SAP130: variants seen among roughly 807,000 people sequenced by gnomAD.
SAP130 encodes the protein histone deacetylase complex subunit SAP130.
SAP130 carries 16 observed loss-of-function variants against 103.2 expected under a neutral mutation model. That is an observed-to-expected ratio of 0.16 (90% CI 0.10 to 0.24). The LOEUF is 0.24. Ranked by LOEUF, SAP130 falls within the 10% of genes least tolerant of loss-of-function variation. The probability of loss-of-function intolerance (pLI) is 1.00; values close to 1 mark genes in which losing one functional copy is unlikely to be tolerated. For missense variants in SAP130, 990 were observed against 1,359.7 expected, an observed-to-expected ratio of 0.73 and a Z score of 4.28; for synonymous variants, 477 against 497.0, an observed-to-expected ratio of 0.96 and a Z score of 0.53.
intron 2 of SAP130, among the ~76,000 whole-genome samples, chr2:128,024,433 G>C (rs1295649327): frequency 6.6e-6 from 1 of 152,182 alleles, no homozygotes. Context: ...GATGCTTCCA[G>C]CTCAGCACAG....
At chr2:128,006,014 T>C (rs994051861) in intron 7 of SAP130, among the ~76,000 whole-genome samples, 4 of 151,720 alleles carry the variant, frequency 2.6e-5, no homozygotes, top group African/African-American at 2.4e-5. Flanking sequence ...AAATAAATGC[T>C]ATGAAATTTG....
chr2:128,014,833 G>A lies in SAP130; in HGVS notation c.589C>T (p.Leu197Phe). The change falls in exon 5 of 21, where the codon CTT (leucine) becomes TTT (phenylalanine). Residue 197 changes from leucine (L) to phenylalanine (F), a missense_variant. Coordinates refer to ENST00000643581, the MANE Select transcript of SAP130 (RefSeq NM_001330301.2). Reference sequence around the variant, plus strand: ...GGTAAATGAGAAGCTCCAATGTGAAGAGGGGGCCCAGGAGCATTGCTGCGG... The same window carrying A: ...GGTAAATGAGAAGCTCCAATGTGAAAAGGGGGCCCAGGAGCATTGCTGCGG... ...IIRSNAPGPP[L>F]HIGASHLPRG... 1 of 1,614,098 alleles carries A rather than the reference G, an allele frequency of 6.2e-7. No homozygotes were observed. The highest frequency in any genetic ancestry group is 8.5e-7 in the Non-Finnish European group (1 of 1,179,934).
intron 11 of SAP130, 60 bp from the exon 12 acceptor site, chr2:127,993,368 A>C: frequency 1.3e-6 from 2 of 1,528,314 alleles, no homozygotes; most frequent in Non-Finnish European, 1.8e-6. Context: ...CTTTCAAATG[A>C]TCCTATACCC....
chr2:127,957,822 G>C (rs942218727), intron 15 of SAP130, among the ~76,000 whole-genome samples: 1 of 152,084 alleles, frequency 6.6e-6, no homozygotes, highest in African/African-American at 2.4e-5. Context: ...AAGAAAAAGA[G>C]AGAAGAGAGA....
At chr2:128,010,470 A>G in intron 6 of SAP130, 77 bp from the exon 7 acceptor site, 1 of 1,361,520 alleles carries the variant, frequency 7.3e-7, no homozygotes, top group Non-Finnish European at 1.0e-6. Flanking sequence ...TGTAATTTGA[A>G]ACTTGAGCCT....
At chr2:128,013,967 A>G (rs927152697) in intron 5 of SAP130, among the ~76,000 whole-genome samples, 2 of 152,216 alleles carry the variant, frequency 1.3e-5, no homozygotes, top group Non-Finnish European at 2.9e-5. Flanking sequence ...TCATCACTGA[A>G]CTTTAAAAAT....
At chr2:127,946,959 G>C (rs1679126441) in intron 18 of SAP130, among the ~76,000 whole-genome samples, 1 of 147,474 alleles carries the variant, frequency 6.8e-6, no homozygotes, top group Admixed American at 7.0e-5. Context: ...TCCAATGACT[G>C]GTGTCCATAC....
Position 127,986,759 on chromosome 2 carries a change from C to T in SAP130, c.1958+26G>A, listed in dbSNP as rs1419852361. 1.2e-6 allele frequency: 2 copies of T among 1,606,104 alleles called. No homozygotes were observed. Among genetic ancestry groups the T allele is most frequent in the Middle Eastern group, 1.8e-4 (1 of 5,446 alleles). On this transcript the variant is annotated intron_variant, in intron 14 of 20. Coordinates refer to ENST00000643581, the MANE Select transcript of SAP130 (RefSeq NM_001330301.2). The surrounding 1 kb of genome is among the most constrained non-coding windows in gnomAD (Gnocchi z 4.7). ...CAGTTATATCCAGAACCAGAGGTGTCATTCGGCACTACCAGGTCTACTCAC... is the reference window on the plus strand; with the variant it reads ...CAGTTATATCCAGAACCAGAGGTGTTATTCGGCACTACCAGGTCTACTCAC...
intron 7 of SAP130, among the ~76,000 whole-genome samples, chr2:128,004,361 CTTTTTTTTTTTT>C (rs71935874): frequency 1.4e-4 from 11 of 76,024 alleles, no homozygotes; most frequent in South Asian, 6.7e-4. Context: ...GCTTTCTTTC[CTTTTTTTTTTTT>C]TTTTTTTTTT....
chr2:127,997,192 G>A (rs945977754), intron 10 of SAP130, among the ~76,000 whole-genome samples: 11 of 152,122 alleles, frequency 7.2e-5, no homozygotes, highest in African/African-American at 2.4e-4. Context: ...TTCAATCTGA[G>A]GCTCCAAATG....
rs1278062577 is a variant in SAP130, at chr2:127,989,102, CT to C, written c.1780+461del. Among the ~76,000 whole-genome samples, 476 of 143,410 alleles carry C rather than the reference CT, an allele frequency of 3.3e-3. No individual in the cohort carries two copies. The highest frequency in any genetic ancestry group is 5.6e-3 in the Admixed American group (81 of 14,354). 94.1% of individuals were successfully genotyped at this position (143,410 alleles called of 152,430 possible). A position where few individuals can be genotyped will look rare whatever the true frequency, so the allele number is the denominator to read the frequency against. On this transcript the variant is annotated intron_variant, in intron 13 of 20. Coordinates refer to ENST00000643581, the MANE Select transcript of SAP130 (RefSeq NM_001330301.2). The surrounding 1 kb of genome is among the most constrained non-coding windows in gnomAD (Gnocchi z 4.6). The stretch of plus-strand genomic sequence containing the variant: ...CTAGGGCTGTTGATGTATACTGTAT[CT>C]TTTTTTTTTTTTGGAGACAGAGTCT...
At chr2:127,969,242 G>A (rs1680898341) in intron 15 of SAP130, among the ~76,000 whole-genome samples, 1 of 152,132 alleles carries the variant, frequency 6.6e-6, no homozygotes, top group African/African-American at 2.4e-5. Context: ...AAATGTAGTT[G>A]AATAATTAGC....
chr2:127,952,364 T>C (rs1054366081), intron 16 of SAP130, among the ~76,000 whole-genome samples: 7 of 150,906 alleles, frequency 4.6e-5, no homozygotes, highest in Non-Finnish European at 5.9e-5. Flanking sequence ...GGCAGGAGAA[T>C]TGCTTGAAAC....
At chr2:127,967,207 G>A (rs1680717775) in intron 15 of SAP130, among the ~76,000 whole-genome samples, 1 of 152,180 alleles carries the variant, frequency 6.6e-6, no homozygotes, top group Non-Finnish European at 1.5e-5. Flanking sequence ...TGCCTACAAT[G>A]AACAACAATG....
At chr2:127,970,941 T>C (rs1299748023) in intron 15 of SAP130, among the ~76,000 whole-genome samples, 1 of 152,074 alleles carries the variant, frequency 6.6e-6, no homozygotes, top group African/African-American at 2.4e-5. Flanking sequence ...GTATGGTTTT[T>C]CTTTTATCTT....
intron 15 of SAP130, among the ~76,000 whole-genome samples, chr2:127,968,375 T>C (rs978666458): frequency 2.7e-5 from 4 of 150,158 alleles, no homozygotes; most frequent in Non-Finnish European, 5.9e-5. Context: ...CCTCCCAAAG[T>C]GTTGAGATTA....
Position 127,942,814 on chromosome 2 carries a change from CG to C in SAP130, c.2902-278del, listed in dbSNP as rs1678802359. On this transcript the variant is annotated intron_variant, in intron 19 of 20. Coordinates refer to ENST00000643581, the MANE Select transcript of SAP130 (RefSeq NM_001330301.2). This position sits in a 1 kb window ranked among gnomAD's most constrained non-coding sequence, Gnocchi z 4.8. ...GACCAGCCTGACCAACAAGGTGAAA[CG>C]CCATCTCTATTAAAAATACAAAATT... Among the ~76,000 whole-genome samples the C allele has an allele frequency of 6.6e-6, 1 of 152,048 alleles. No homozygotes were observed. The highest frequency in any genetic ancestry group is 2.4e-5 in the African/African-American group (1 of 41,386).
In SAP130 at chr2:128,000,375, T is replaced by C. The variant is rs1159815188; in HGVS notation, c.949A>G (p.Thr317Ala). 6.2e-7 allele frequency: 1 copy of C among 1,614,080 alleles called. No homozygotes were observed. Among genetic ancestry groups the C allele is most frequent in the Non-Finnish European group, 8.5e-7 (1 of 1,180,040 alleles). The part of the protein sequence containing the change: ...QRPAQSRDVT[T>A]RITLPSHPAL... Reference sequence around the variant, plus strand: ...GGGTGAGATGGTAGTGTGATTCTTGTTGTGACATCTCGTGACTGGGCAGGA... The same window carrying C: ...GGGTGAGATGGTAGTGTGATTCTTGCTGTGACATCTCGTGACTGGGCAGGA... Residue 317 changes from threonine (T) to alanine (A), a missense_variant, in exon 8 of 21, where the codon ACA becomes GCA. Physicochemically the swap from Thr to Ala is moderately conservative, Grantham distance 58. Coordinates refer to ENST00000643581, the MANE Select transcript of SAP130 (RefSeq NM_001330301.2).
intron 7 of SAP130, among the ~76,000 whole-genome samples, chr2:128,006,087 T>TAA (rs532598250): frequency 5.2e-5 from 7 of 133,542 alleles, no homozygotes; most frequent in Admixed American, 7.5e-5. Context: ...TGTAAGCGGT[T>TAA]AAAAAAAAAA....
Sources: gnomAD v4.1 joint callset for allele counts (sites outside exome capture counted in the v4.1 genomes callset) on GRCh38, gnomAD v4.1.1 for gene constraint, Gnocchi (gnomAD v3.1) non-coding constraint, MANE v1.5 for transcripts, NCBI Gene and HGNC (gene_info 2026-07-23, HGNC 2026-07-21) for gene names.